The following AGAP1 variants were observed in gnomAD, a reference collection of about 807,000 sequenced individuals.
AGAP1 encodes arf-GAP with GTPase, ANK repeat and PH domain-containing protein 1.
Under a neutral mutation model 105.3 loss-of-function variants are expected in AGAP1, and 29 were observed. The observed-to-expected ratio is 0.28, with a 90% CI of 0.21 to 0.38. The LOEUF (loss-of-function observed/expected upper bound fraction) is 0.38. Among genes scored for constraint, AGAP1 ranks in the 10% least tolerant of loss-of-function variants. The pLI is 1.00. For synonymous variants in AGAP1, 509 were observed against 485.9 expected (o/e 1.05, Z -0.63); for missense variants, 998 against 1,165.1 (o/e 0.86, Z 2.09).
intron 6 of AGAP1, among the ~76,000 whole-genome samples, chr2:235,795,834 G>A (rs531209323): frequency 6.6e-6 from 1 of 152,222 alleles, no homozygotes; most frequent in Admixed American, 6.5e-5. Context: ...TTGATGAGAG[G>A]CTTTGTTGTA....
chr2:235,495,678 G>A (rs576541145), intron 1 of AGAP1, among the ~76,000 whole-genome samples: 2 of 152,338 alleles, frequency 1.3e-5, no homozygotes, highest in East Asian at 1.9e-4. Context: ...GCCTTCCGGG[G>A]CTGTGCCCTC....
At chr2:235,811,759 G>T (rs1479378692) in intron 9 of AGAP1, among the ~76,000 whole-genome samples, 2 of 152,244 alleles carry the variant, frequency 1.3e-5, no homozygotes, top group African/African-American at 2.4e-5. Flanking sequence ...TCTGGCCAGG[G>T]TGTCTCACGC....
chr2:235,641,649 T>G (rs1001330231), intron 1 of AGAP1, among the ~76,000 whole-genome samples: 1 of 152,234 alleles, frequency 6.6e-6, no homozygotes, highest in African/African-American at 2.4e-5. Context: ...CCCCCCCACA[T>G]ACGTTCAGTG....
At position 236,027,827 on chromosome 2, in the gene AGAP1, C is replaced by G. The variant is rs1298985290; in HGVS notation, c.1646-8734C>G. ...ACAGGGAAAAGCGTGGCGTTTAGAC[C>G]TGCCCTGTGATCACAGGGCCTTTGT... On this transcript the variant is annotated intron_variant, in intron 13 of 17. Transcript: ENST00000304032. This position sits in a 1 kb window ranked among gnomAD's most constrained non-coding sequence, Gnocchi z 4.4. 2.6e-5 allele frequency among the ~76,000 whole-genome samples: 4 copies of G among 152,232 alleles called. No individual in the cohort carries two copies. In the East Asian group the frequency reaches 7.7e-4, roughly 29 times the overall value.
intron 6 of AGAP1, among the ~76,000 whole-genome samples, chr2:235,760,203 A>G (rs1198563457): frequency 6.6e-6 from 1 of 152,168 alleles, no homozygotes; most frequent in Non-Finnish European, 1.5e-5. Context: ...CAACATGCCG[A>G]AACCCCCCTC....
chr2:235,768,431 A>G lies in AGAP1; in HGVS notation c.673+17943A>G, dbSNP rs191039423. Among the ~76,000 whole-genome samples, 4 of 152,364 alleles carry G rather than the reference A, an allele frequency of 2.6e-5. No homozygotes were observed. In the East Asian group the frequency reaches 7.7e-4, roughly 29 times the overall value. On this transcript the variant is annotated intron_variant, in intron 6 of 17. Transcript: ENST00000304032. ...TTTGGAGAATTTTACTACTTTCAGTATATAGAGTAGTGAAAATTTGGCAGA... is the reference window on the plus strand; with the variant it reads ...TTTGGAGAATTTTACTACTTTCAGTGTATAGAGTAGTGAAAATTTGGCAGA...
intron 13 of AGAP1, among the ~76,000 whole-genome samples, chr2:235,974,021 T>TA (rs1322242427): frequency 3.6e-4 from 55 of 152,352 alleles, no homozygotes; most frequent in African/African-American, 1.3e-3. Flanking sequence ...TTGTCATTGC[T>TA]AAAATGAACG....
At chr2:235,884,745 C>T (rs1394030076) in intron 10 of AGAP1, among the ~76,000 whole-genome samples, 4 of 152,130 alleles carry the variant, frequency 2.6e-5, no homozygotes, top group Admixed American at 6.5e-5. Flanking sequence ...TGAGCCACCG[C>T]GCCTGGCCTT....
chr2:235,774,217 A>G (rs559156090), intron 6 of AGAP1: 6 of 399,404 alleles, frequency 1.5e-5, no homozygotes, highest in South Asian at 1.2e-4. Flanking sequence ...GCACATCTAT[A>G]AACTAAAAAT....
chr2:235,537,762 A>G (rs35479843), intron 1 of AGAP1, among the ~76,000 whole-genome samples: 1,704 of 152,270 alleles, frequency 0.011, 13 homozygotes, highest in Middle Eastern at 0.044. Flanking sequence ...TTTTCAGGCT[A>G]ATGTCACTGA....
In AGAP1 at chr2:235,600,229, A is replaced by G. The variant is rs978787097; in HGVS notation, c.163+105380A>G. ...GGCCAGAGCTGATGATCTAATTCGGATGATTTATGGCCTCTGTTTACCCCA... is the reference window on the plus strand; with the variant it reads ...GGCCAGAGCTGATGATCTAATTCGGGTGATTTATGGCCTCTGTTTACCCCA... On this transcript the variant is annotated intron_variant, in intron 1 of 17. Transcript: ENST00000304032. This position sits in a 1 kb window ranked among gnomAD's most constrained non-coding sequence, Gnocchi z 4.8. Among the ~76,000 whole-genome samples, 2 of 152,150 alleles carry G rather than the reference A, an allele frequency of 1.3e-5. No homozygotes were observed. Among genetic ancestry groups the G allele is most frequent in the African/African-American group, 4.8e-5 (2 of 41,432 alleles).
intron 1 of AGAP1, among the ~76,000 whole-genome samples, chr2:235,572,414 G>A (rs931149376): frequency 1.2e-4 from 19 of 152,008 alleles, no homozygotes; most frequent in Non-Finnish European, 2.9e-5. Context: ...TTCAGGCAGT[G>A]GGGGTGATAT....
chr2:235,520,690 G>A (rs2149049289), intron 1 of AGAP1, among the ~76,000 whole-genome samples: 1 of 152,296 alleles, frequency 6.6e-6, no homozygotes, highest in Non-Finnish European at 1.5e-5. Flanking sequence ...TGTTTAAGAT[G>A]AGATAATTCT....
intron 16 of AGAP1, among the ~76,000 whole-genome samples, chr2:236,094,643 G>A (rs927864244): frequency 6.6e-6 from 1 of 152,046 alleles, no homozygotes; most frequent in Non-Finnish European, 1.5e-5. Flanking sequence ...TGAGCACTGC[G>A]CCCAGTGAGA....
At chr2:235,822,653 C>G (rs72983090) in intron 9 of AGAP1, among the ~76,000 whole-genome samples, 36,485 of 151,616 alleles carry the variant, frequency 0.24, 5,265 homozygotes, top group Admixed American at 0.4. Context: ...GCTGGAGAAG[C>G]CCAAGGGTGA....
rs115560549 is a variant in AGAP1 at position 235,735,975 on chromosome 2, T to C, written c.311-4988T>C. ...TGCAGAAAGCCAAGCCCAGAAGGGATGCGGGTTCCGTTCTCACCTCCCTCT... is the reference window on the plus strand; with the variant it reads ...TGCAGAAAGCCAAGCCCAGAAGGGACGCGGGTTCCGTTCTCACCTCCCTCT... On this transcript the variant is annotated intron_variant, in intron 3 of 17. Transcript: ENST00000304032. Among the ~76,000 whole-genome samples, 927 of 149,596 alleles carry C rather than the reference T, an allele frequency of 6.2e-3. 9 individuals carry two copies. Among genetic ancestry groups the C allele is most frequent in the South Asian group, 0.032 (151 of 4,770 alleles).
Position 235,883,342 on chromosome 2 carries a change from T to C in AGAP1, c.1051-3T>C, listed in dbSNP as rs1408681801. 1 of 1,613,436 alleles carries C rather than the reference T, an allele frequency of 6.2e-7. No homozygotes were observed. Among genetic ancestry groups the C allele is most frequent in the African/African-American group, 1.3e-5 (1 of 74,892 alleles). ...TTTCTATTTGGCTCTTTTTCCCTTGTAGGGCATGCTGTTGAAGCGAAGTGG... is the reference window on the plus strand; with the variant it reads ...TTTCTATTTGGCTCTTTTTCCCTTGCAGGGCATGCTGTTGAAGCGAAGTGG... On this transcript the variant is annotated splice_polypyrimidine_tract_variant and splice_region_variant and intron_variant, in intron 9 of 17. Coordinates refer to ENST00000304032, the MANE Select transcript of AGAP1 (RefSeq NM_001037131.3). The surrounding 1 kb of genome is among the most constrained non-coding windows in gnomAD (Gnocchi z 4.5).
rs118103088 is a variant in AGAP1 at position 235,657,328 on chromosome 2, A to T, written c.164-51851A>T. ...AAGGCCTTCTGTGAATCCAAATGTG[A>T]CTATTACACACTGAATCTTCCCATT... On this transcript the variant is annotated intron_variant, in intron 1 of 17. Transcript: ENST00000304032. Among the ~76,000 whole-genome samples the T allele has an allele frequency of 7.2e-5, 11 of 152,282 alleles. No homozygotes were observed. The East Asian group carries it at 2.1e-3, about 29-fold the overall frequency.
intron 1 of AGAP1, among the ~76,000 whole-genome samples, chr2:235,521,370 A>G (rs1942606799): frequency 6.6e-6 from 1 of 152,234 alleles, no homozygotes. Context: ...CACATCATCA[A>G]AATAAATTCT....
Sources: allele counts gnomAD v4.1 joint callset (sites outside exome capture counted in the v4.1 genomes callset), GRCh38; gene constraint gnomAD v4.1.1; non-coding constraint Gnocchi (gnomAD v3.1); transcripts MANE v1.5; gene names NCBI Gene and HGNC (gene_info 2026-07-23, HGNC 2026-07-21).